The following GPR137C variants were observed in gnomAD, a reference collection of about 807,000 sequenced individuals.
The protein encoded by GPR137C is integral membrane protein GPR137C.
In GPR137C, 27 loss-of-function variants were observed where a neutral mutation model predicts 43.4. The observed-to-expected ratio is 0.62, with a 90% CI of 0.46 to 0.86. The LOEUF is 0.86. GPR137C is among the 40% of genes least tolerant of loss of function. The pLI, the probability that GPR137C is intolerant of heterozygous loss-of-function variation, is 0.00. For missense variants in GPR137C, 522 were observed against 534.6 expected, an observed-to-expected ratio of 0.98 and a Z score of 0.23; for synonymous variants, 285 against 226.9, an observed-to-expected ratio of 1.26 and a Z score of -2.30.
In GPR137C at chr14:52,584,925, T is replaced by C. The variant is rs1256841343; in HGVS notation, c.445-13347T>C. On this transcript the variant is annotated intron_variant, in intron 1 of 6. Transcript: ENST00000321662. ...CCATTTTTTTTTCTGTTAAATTGTT[T>C]CCATTTTAAAATCAGAAAACCTTGC... Among the ~76,000 whole-genome samples the C allele has an allele frequency of 2.0e-5, 3 of 152,270 alleles. No homozygotes were observed. In the East Asian group the frequency reaches 5.8e-4, roughly 29 times the overall value.
At chr14:52,571,254 T>C (rs1241117987) in intron 1 of GPR137C, among the ~76,000 whole-genome samples, 2 of 152,090 alleles carry the variant, frequency 1.3e-5, no homozygotes, top group Non-Finnish European at 2.9e-5. Flanking sequence ...AATAACAAAA[T>C]GAAGGCAGAA....
intron 1 of GPR137C, among the ~76,000 whole-genome samples, chr14:52,590,961 C>G: frequency 6.6e-6 from 1 of 152,104 alleles, no homozygotes; most frequent in Non-Finnish European, 1.5e-5. Context: ...AGCTATTTCT[C>G]CTAATGCTAC....
chr14:52,623,541 C>G (rs1346789523), intron 3 of GPR137C, among the ~76,000 whole-genome samples: 2 of 152,148 alleles, frequency 1.3e-5, no homozygotes, highest in Admixed American at 6.5e-5. Flanking sequence ...TTGCTTTAAA[C>G]TCTGAATGAT....
intron 1 of GPR137C, 59 bp downstream of exon 1, chr14:52,553,650 A>G: frequency 1.8e-6 from 1 of 568,868 alleles, no homozygotes; most frequent in South Asian, 3.0e-5. Flanking sequence ...GCCGGGATCA[A>G]CTCCCGCTGA....
Position 52,620,262 on chromosome 14 carries a change from TAGA to T in GPR137C, c.718-11891_718-11889del, listed in dbSNP as rs546040631. ...GAAATCTCAGGAAGAAGATACCAGA[TAGA>T]AGAAGACCCATACTCTTATTATAAA... On this transcript the variant is annotated intron_variant, in intron 3 of 6. Coordinates refer to ENST00000321662, the MANE Select transcript of GPR137C (RefSeq NM_001099652.2). 1.9e-4 allele frequency among the ~76,000 whole-genome samples: 29 copies of T among 152,088 alleles called. 1 individual carries two copies. In the East Asian group the frequency reaches 5.4e-3, roughly 28 times the overall value.
intron 1 of GPR137C, among the ~76,000 whole-genome samples, chr14:52,590,925 G>T (rs968093404): frequency 2.6e-5 from 4 of 152,096 alleles, no homozygotes; most frequent in Non-Finnish European, 4.4e-5. Flanking sequence ...GTTGTTTGCT[G>T]CACCCATCAA....
chr14:52,555,565 A>G (rs2038180257), intron 1 of GPR137C, among the ~76,000 whole-genome samples: 1 of 152,214 alleles, frequency 6.6e-6, no homozygotes, highest in South Asian at 2.1e-4. Flanking sequence ...TACACGGAGT[A>G]TCTAGATTGG....
intron 3 of GPR137C, chr14:52,611,534 G>A (rs957855822): frequency 5.3e-6 from 2 of 374,554 alleles, no homozygotes; most frequent in Non-Finnish European, 7.3e-6. Flanking sequence ...GTTATTTTTT[G>A]TTATTTTTTT....
intron 3 of GPR137C, among the ~76,000 whole-genome samples, chr14:52,606,403 A>C (rs1454278602): frequency 1.3e-5 from 2 of 151,586 alleles, no homozygotes; most frequent in East Asian, 3.9e-4. Context: ...TTTCTTTTTT[A>C]TTTTACATGA....
intron 1 of GPR137C, among the ~76,000 whole-genome samples, chr14:52,564,545 C>T (rs946864152): frequency 6.6e-6 from 1 of 152,096 alleles, no homozygotes; most frequent in South Asian, 2.1e-4. Flanking sequence ...ACTCTCAACT[C>T]CAGGGCACAG....
At chr14:52,623,034 G>A (rs1345043189) in intron 3 of GPR137C, among the ~76,000 whole-genome samples, 1 of 152,058 alleles carries the variant, frequency 6.6e-6, no homozygotes, top group Non-Finnish European at 1.5e-5. Flanking sequence ...GTTGGCCCAG[G>A]ATAAACAATC....
intron 1 of GPR137C, among the ~76,000 whole-genome samples, chr14:52,595,793 A>G (rs1206853879): frequency 4.6e-5 from 7 of 151,988 alleles, no homozygotes; most frequent in Admixed American, 3.9e-4. Flanking sequence ...AAGTTTGATT[A>G]CTGACCTTTT....
intron 5 of GPR137C, 50 bp from the exon 6 acceptor site, chr14:52,633,778 C>T (rs763367636): frequency 6.5e-7 from 1 of 1,526,726 alleles, no homozygotes; most frequent in Non-Finnish European, 9.0e-7. Flanking sequence ...AGCCTCCTTT[C>T]TTAGTGGAAA....
At chr14:52,575,726 G>A (rs141826836) in intron 1 of GPR137C, among the ~76,000 whole-genome samples, 12 of 152,298 alleles carry the variant, frequency 7.9e-5, no homozygotes, top group African/African-American at 2.9e-4. Context: ...GGATCCCTAT[G>A]AGCCTTGAAT....
At position 52,596,181 on chromosome 14, in the gene GPR137C, C is replaced by T. The variant is rs569303257; in HGVS notation, c.445-2091C>T. Among the ~76,000 whole-genome samples, 384 of 152,274 alleles carry T rather than the reference C, an allele frequency of 2.5e-3. 1 individual carries two copies. The highest frequency in any genetic ancestry group is 8.8e-3 in the African/African-American group (364 of 41,554). On this transcript the variant is annotated intron_variant, in intron 1 of 6. Coordinates refer to ENST00000321662, the MANE Select transcript of GPR137C (RefSeq NM_001099652.2). ...GAACAGCAAATATTGCTGCTTGGTCCTTCCTCTGGATGCTTCGTCCCAGAG... is the reference window on the plus strand; with the variant it reads ...GAACAGCAAATATTGCTGCTTGGTCTTTCCTCTGGATGCTTCGTCCCAGAG...
At chr14:52,584,658 C>A (rs1334691204) in intron 1 of GPR137C, among the ~76,000 whole-genome samples, 1 of 152,154 alleles carries the variant, frequency 6.6e-6, no homozygotes, top group East Asian at 1.9e-4. Flanking sequence ...GTTGCCCAGG[C>A]TGGAGTGCAG....
At chr14:52,561,871 G>T (rs949987794) in intron 1 of GPR137C, among the ~76,000 whole-genome samples, 1 of 152,166 alleles carries the variant, frequency 6.6e-6, no homozygotes, top group Non-Finnish European at 1.5e-5. Context: ...AGTGGGTGGG[G>T]AGATACTCTG....
intron 1 of GPR137C, among the ~76,000 whole-genome samples, chr14:52,586,612 T>C (rs1201497116): frequency 6.6e-6 from 1 of 152,220 alleles, no homozygotes; most frequent in Non-Finnish European, 1.5e-5. Context: ...TTGTGCTTTC[T>C]AATTGTGACT....
At chr14:52,582,983 T>C (rs901498677) in intron 1 of GPR137C, among the ~76,000 whole-genome samples, 3 of 152,120 alleles carry the variant, frequency 2.0e-5, no homozygotes, top group African/African-American at 7.2e-5. Flanking sequence ...GGGATAAAAG[T>C]AGATTATGTG....
Sources: gnomAD v4.1 joint callset for allele counts (sites outside exome capture counted in the v4.1 genomes callset) on GRCh38, gnomAD v4.1.1 for gene constraint, MANE v1.5 for transcripts, NCBI Gene and HGNC (gene_info 2026-07-23, HGNC 2026-07-21) for gene names.